Variants in GALNT6 observed in about 807,000 individuals in gnomAD.
GALNT6 encodes polypeptide N-acetylgalactosaminyltransferase 6, also known as GalNAc transferase 6.
GALNT6 carries 51 observed loss-of-function variants against 65.9 expected under a neutral mutation model. That is an observed-to-expected ratio of 0.77 (90% CI 0.62 to 0.98). The LOEUF is 0.98. Among genes scored for constraint, GALNT6 ranks in the 50% least tolerant of loss-of-function variants. The probability of loss-of-function intolerance (pLI) is 0.00; values close to 1 mark genes in which losing one functional copy is unlikely to be tolerated. For missense variants in GALNT6, 708 were observed against 803.3 expected (o/e 0.88, Z 1.43); for synonymous variants, 323 against 315.1 (o/e 1.02, Z -0.26).
intron 5 of GALNT6, among the ~76,000 whole-genome samples, chr12:51,364,717 C>A (rs938144163): frequency 5.3e-5 from 8 of 152,228 alleles, no homozygotes; most frequent in Non-Finnish European, 1.2e-4. Context: ...GTTCCCCCTC[C>A]CAGGGGCATC....
At chr12:51,388,266 C>T (rs193028860) in intron 2 of GALNT6, among the ~76,000 whole-genome samples, 7 of 152,338 alleles carry the variant, frequency 4.6e-5, no homozygotes, top group Non-Finnish European at 1.0e-4. Flanking sequence ...CAGGAGCTGC[C>T]TGCCAGCCTC....
chr12:51,385,747 T>C (rs1248973644), intron 2 of GALNT6, among the ~76,000 whole-genome samples: 2 of 129,636 alleles, frequency 1.5e-5, no homozygotes, highest in African/African-American at 5.0e-5. Context: ...GTTTATGGAC[T>C]CCTGGACCAG....
At chr12:51,375,675 A>G (rs1197521742) in intron 4 of GALNT6, among the ~76,000 whole-genome samples, 3 of 151,510 alleles carry the variant, frequency 2.0e-5, no homozygotes, top group Non-Finnish European at 4.4e-5. Context: ...CTCCTGCCTC[A>G]GCCTCCCGAG....
chr12:51,356,353 C>CT (rs58408607), intron 10 of GALNT6, among the ~76,000 whole-genome samples: 1,199 of 66,664 alleles, frequency 0.018, 16 homozygotes, highest in Non-Finnish European at 0.022. Context: ...TATATTTTCT[C>CT]TTTTTTTTTT....
Position 51,355,794 on chromosome 12 carries a change from A to G in GALNT6, c.1755+12T>C. ...AAGTTCTTGATTCTGAGCTTTCTGG[A>G]CACTGACTCACCTGGGCCAATTCCC... On this transcript the variant is annotated intron_variant, in intron 11 of 11. Coordinates refer to ENST00000356317, the MANE Select transcript of GALNT6 (RefSeq NM_007210.4). 1 of 1,611,336 alleles carries G rather than the reference A, an allele frequency of 6.2e-7. No individual in the cohort carries two copies. Among genetic ancestry groups the G allele is most frequent in the East Asian group, 2.2e-5 (1 of 44,774 alleles).
chr12:51,377,107 G>C (rs1361000179), intron 4 of GALNT6, 88 bp downstream of exon 4: 1 of 1,120,862 alleles, frequency 8.9e-7, no homozygotes, highest in African/African-American at 1.5e-5. Context: ...TCATGAGGTG[G>C]TGCCTGCTCC....
intron 2 of GALNT6, among the ~76,000 whole-genome samples, chr12:51,386,950 C>T (rs965299834): frequency 3.9e-5 from 6 of 152,106 alleles, no homozygotes; most frequent in Non-Finnish European, 8.8e-5. Flanking sequence ...TATTTTTCCC[C>T]GTAATTACAC....
At chr12:51,380,331 G>A (rs999084510) in intron 2 of GALNT6, among the ~76,000 whole-genome samples, 1 of 152,096 alleles carries the variant, frequency 6.6e-6, no homozygotes, top group African/African-American at 2.4e-5. Flanking sequence ...CAACAAACTG[G>A]TAAAACCTTT....
At chr12:51,385,836 T>C (rs1296266167) in intron 2 of GALNT6, among the ~76,000 whole-genome samples, 2 of 147,064 alleles carry the variant, frequency 1.4e-5, no homozygotes. Flanking sequence ...TTCCATAAAC[T>C]TTTTTTTTTT....
intron 5 of GALNT6, among the ~76,000 whole-genome samples, chr12:51,364,903 C>A (rs1008769267): frequency 5.9e-5 from 9 of 152,182 alleles, no homozygotes; most frequent in Admixed American, 1.3e-4. Context: ...GAAACTGAGG[C>A]TGTTAGTGGG....
chr12:51,369,696 T>C lies in GALNT6; in HGVS notation c.665-4117A>G, dbSNP rs569089750. On this transcript the variant is annotated intron_variant, in intron 4 of 11. Coordinates refer to ENST00000356317, the MANE Select transcript of GALNT6 (RefSeq NM_007210.4). ...CCCAAAACAGGCTCTGAATTTCCCC[T>C]GCAAATCTGCCCCCCAGTCTCCCTC... is the stretch of plus-strand genomic sequence containing the variant. 2.0e-5 allele frequency among the ~76,000 whole-genome samples: 3 copies of C among 152,316 alleles called. No homozygotes were observed. The East Asian group carries it at 5.8e-4, about 29-fold the overall frequency.
Position 51,387,222 on chromosome 12 carries a change from C to T in GALNT6, c.-104+3628G>A, listed in dbSNP as rs867265594. Among the ~76,000 whole-genome samples, 5 of 152,132 alleles carry T rather than the reference C, an allele frequency of 3.3e-5. No individual in the cohort carries two copies. Among genetic ancestry groups the T allele is most frequent in the African/African-American group, 4.8e-5 (2 of 41,492 alleles). ...AAGCGATTCTCATCCCTCAGCCTCC[C>T]GGGTAGCTGGGATTACAGGCGCCCG... is the stretch of plus-strand genomic sequence containing the variant. On this transcript the variant is annotated intron_variant, in intron 2 of 11. Coordinates refer to ENST00000356317, the MANE Select transcript of GALNT6 (RefSeq NM_007210.4). The surrounding 1 kb of genome is among the most constrained non-coding windows in gnomAD (Gnocchi z 4.2).
At chr12:51,372,859 C>T (rs528435908) in intron 4 of GALNT6, among the ~76,000 whole-genome samples, 2 of 152,336 alleles carry the variant, frequency 1.3e-5, no homozygotes, top group South Asian at 4.1e-4. Flanking sequence ...GAGCCCACCT[C>T]TTGCATCAGC....
chr12:51,360,932 A>G, intron 6 of GALNT6, 94 bp from the exon 7 acceptor site: 1 of 696,250 alleles, frequency 1.4e-6, no homozygotes, highest in South Asian at 1.7e-5. Context: ...CTCCTAACCC[A>G]CCTCCCCCTC....
intron 6 of GALNT6, among the ~76,000 whole-genome samples, chr12:51,362,634 A>ATGGGGG (rs1479020528): frequency 7.7e-6 from 1 of 129,678 alleles, no homozygotes; most frequent in African/African-American, 2.9e-5. Flanking sequence ...GGTCACTGGC[A>ATGGGGG]TGGGGGTGGG....
chr12:51,369,279 C>T (rs1947212647), intron 4 of GALNT6, among the ~76,000 whole-genome samples: 1 of 152,196 alleles, frequency 6.6e-6, no homozygotes, highest in Non-Finnish European at 1.5e-5. Flanking sequence ...CAGGGATTCT[C>T]AGCCTGAGAG....
Position 51,354,351 on chromosome 12 carries a change from G to A in GALNT6, c.*28C>T, listed in dbSNP as rs1946684734. 3 of 1,218,176 alleles carry A rather than the reference G, an allele frequency of 2.5e-6. No individual in the cohort carries two copies. The highest frequency in any genetic ancestry group is 2.9e-5 in the South Asian group (2 of 69,914). 75.5% of individuals were successfully genotyped at this position (1,218,176 alleles called of 1,614,324 possible). ...AATCCTGTTTCCTGAGGAGCTTGTG[G>A]GGGCTCTCTCTGGGGATGATCTGGG... On this transcript the variant is annotated 3_prime_UTR_variant, in exon 12 of 12. Transcript: ENST00000356317.
In GALNT6 at chr12:51,384,980, C is replaced by T. The variant is rs1490159198; in HGVS notation, c.-103-5096G>A. On this transcript the variant is annotated intron_variant, in intron 2 of 11. Coordinates refer to ENST00000356317, the MANE Select transcript of GALNT6 (RefSeq NM_007210.4). Reference sequence around the variant, plus strand: ...ATCACATGTAACACAGGCAAGTATTCGTTTTTTCTTTCTTTCTTTTTTTTT... The same window carrying T: ...ATCACATGTAACACAGGCAAGTATTTGTTTTTTCTTTCTTTCTTTTTTTTT... Among the ~76,000 whole-genome samples the T allele has an allele frequency of 3.9e-5, 6 of 152,014 alleles. No homozygotes were observed. The East Asian group carries it at 5.8e-4, about 15-fold the overall frequency.
At chr12:51,361,173 T>C (rs1946916657) in intron 6 of GALNT6, among the ~76,000 whole-genome samples, 1 of 152,178 alleles carries the variant, frequency 6.6e-6, no homozygotes, top group African/African-American at 2.4e-5. Flanking sequence ...CCCCCAGAGC[T>C]CAATCTAGTC....
Sources: allele counts gnomAD v4.1 joint callset (sites outside exome capture counted in the v4.1 genomes callset), GRCh38; gene constraint gnomAD v4.1.1; non-coding constraint Gnocchi (gnomAD v3.1); transcripts MANE v1.5; gene names NCBI Gene and HGNC (gene_info 2026-07-23, HGNC 2026-07-21).